The following EYS variants were observed in gnomAD, a reference collection of about 807,000 sequenced individuals.
The protein encoded by EYS is EGF-like photoreceptor maintenance factor.
Under a neutral mutation model 282.1 loss-of-function variants are expected in EYS, and 250 were observed. The ratio of observed to expected loss-of-function variants is 0.89; its 90% CI spans 0.80 to 0.98. The LOEUF (loss-of-function observed/expected upper bound fraction) is 0.98. Ranked by LOEUF, EYS falls within the 50% of genes least tolerant of loss-of-function variation. The pLI, the probability that EYS is intolerant of heterozygous loss-of-function variation, is 0.00. For missense variants in EYS, 4,016 were observed against 3,709.0 expected, an observed-to-expected ratio of 1.08 and a Z score of -2.15; for synonymous variants, 1,355 against 1,282.9, an observed-to-expected ratio of 1.06 and a Z score of -1.20.
At chr6:64,447,755 TAG>T (rs1419787143) in intron 26 of EYS, among the ~76,000 whole-genome samples, 1 of 152,174 alleles carries the variant, frequency 6.6e-6, no homozygotes. Flanking sequence ...TATATGAAAA[TAG>T]ATTATTGCAA....
chr6:65,345,766 A>C (rs1280127736), intron 9 of EYS, among the ~76,000 whole-genome samples: 1 of 151,788 alleles, frequency 6.6e-6, no homozygotes, highest in Non-Finnish European at 1.5e-5. Context: ...TAAAAAAATA[A>C]ATAAAACAAA....
intron 26 of EYS, among the ~76,000 whole-genome samples, chr6:64,577,790 T>C (rs190009884): frequency 1.5e-3 from 227 of 152,254 alleles, no homozygotes; most frequent in African/African-American, 5.4e-3. Context: ...CGCTTTATAA[T>C]AGAGCTGTTG....
intron 13 of EYS, among the ~76,000 whole-genome samples, chr6:65,029,219 G>T (rs1171156382): frequency 1.3e-5 from 2 of 151,986 alleles, no homozygotes; most frequent in Non-Finnish European, 2.9e-5. Flanking sequence ...GTTCCTTTAA[G>T]TAGAGAATGA....
At chr6:65,598,251 A>G (rs1765485199) in intron 2 of EYS, among the ~76,000 whole-genome samples, 1 of 64,926 alleles carries the variant, frequency 1.5e-5, no homozygotes, top group Non-Finnish European at 2.9e-5. Context: ...CCCCCCCCAA[A>G]AAAAAAAACA....
chr6:64,723,411 C>T (rs933227368), intron 22 of EYS, among the ~76,000 whole-genome samples: 9 of 152,122 alleles, frequency 5.9e-5, no homozygotes, highest in African/African-American at 1.2e-4. Flanking sequence ...AAACTAAAAA[C>T]GGCACTGCAG....
intron 35 of EYS, among the ~76,000 whole-genome samples, chr6:63,981,338 T>C (rs1582073981): frequency 6.6e-6 from 1 of 151,964 alleles, no homozygotes; most frequent in East Asian, 1.9e-4. Flanking sequence ...ACTTCTGATA[T>C]ACTACAGGCA....
At chr6:64,890,711 C>T (rs150997160) in intron 18 of EYS, among the ~76,000 whole-genome samples, 106 of 152,090 alleles carry the variant, frequency 7.0e-4, no homozygotes, top group African/African-American at 1.5e-3. Flanking sequence ...ATGTACCTTA[C>T]GCTTCTGATT....
intron 1 of EYS, among the ~76,000 whole-genome samples, chr6:65,705,805 T>G (rs565357888): frequency 2.0e-5 from 3 of 152,240 alleles, no homozygotes; most frequent in Admixed American, 1.3e-4. Flanking sequence ...AAGGGCCATT[T>G]TTAGGCCAAT....
intron 8 of EYS, among the ~76,000 whole-genome samples, chr6:65,370,598 A>AT (rs1378856640): frequency 3.3e-5 from 5 of 151,594 alleles, no homozygotes; most frequent in South Asian, 2.1e-4. Context: ...CATAATGCAA[A>AT]TTTTTTTTAT....
intron 24 of EYS, among the ~76,000 whole-genome samples, chr6:64,594,755 G>T (rs951306470): frequency 6.6e-6 from 1 of 151,274 alleles, no homozygotes; most frequent in Admixed American, 6.6e-5. Context: ...ACGAGTTAAT[G>T]GGTGCAGCAC....
chr6:64,482,537 A>G (rs1432951778), intron 26 of EYS, among the ~76,000 whole-genome samples: 2 of 150,872 alleles, frequency 1.3e-5, no homozygotes, highest in African/African-American at 4.9e-5. Context: ...TAATGGACAT[A>G]GTAGTTTCTA....
intron 12 of EYS, among the ~76,000 whole-genome samples, chr6:65,174,820 T>A (rs1020437008): frequency 2.0e-5 from 3 of 151,398 alleles, no homozygotes; most frequent in African/African-American, 7.2e-5. Context: ...TATTATAATA[T>A]GATAATACAT....
intron 11 of EYS, among the ~76,000 whole-genome samples, chr6:65,316,995 T>C (rs1261945421): frequency 6.6e-6 from 1 of 152,206 alleles, no homozygotes; most frequent in Non-Finnish European, 1.5e-5. Flanking sequence ...GACTATATTC[T>C]GTGTGGATTT....
intron 30 of EYS, among the ~76,000 whole-genome samples, chr6:64,294,601 G>A (rs1768838021): frequency 6.6e-6 from 1 of 152,198 alleles, no homozygotes; most frequent in South Asian, 2.1e-4. Flanking sequence ...GGAGCCACCA[G>A]ACAAATTAGT....
At chr6:65,485,430 T>G (rs1765751311) in intron 5 of EYS, among the ~76,000 whole-genome samples, 1 of 152,210 alleles carries the variant, frequency 6.6e-6, no homozygotes, top group South Asian at 2.1e-4. Context: ...TTATTGCAAG[T>G]TCCTCTGTGC....
intron 5 of EYS, among the ~76,000 whole-genome samples, chr6:65,440,832 A>G (rs1768286320): frequency 6.9e-6 from 1 of 145,824 alleles, no homozygotes. Flanking sequence ...CTTTGTGTAG[A>G]AAAAAAATAT....
At chr6:65,217,158 C>A (rs1048285662) in intron 12 of EYS, among the ~76,000 whole-genome samples, 2 of 151,948 alleles carry the variant, frequency 1.3e-5, no homozygotes, top group Admixed American at 6.6e-5. Context: ...TTATTTTTAA[C>A]AATATGTTGT....
At position 64,347,781 on chromosome 6, in the gene EYS, AC is replaced by A. The variant is rs1411154476; in HGVS notation, c.6079-40700del. 9.3e-5 allele frequency among the ~76,000 whole-genome samples: 14 copies of A among 151,028 alleles called. No individual in the cohort carries two copies. The South Asian group carries it at 2.3e-3, about 25-fold the overall frequency. On this transcript the variant is annotated intron_variant, in intron 29 of 42. Transcript: ENST00000503581. ...GTGTTTATTTGTCTTTTCCTTATCT[AC>A]CCCTTTCCTAATACCTGGAAACTCA... is the stretch of plus-strand genomic sequence containing the variant.
chr6:64,449,662 C>T (rs1259611460), intron 26 of EYS, among the ~76,000 whole-genome samples: 1 of 152,214 alleles, frequency 6.6e-6, no homozygotes, highest in Non-Finnish European at 1.5e-5. Flanking sequence ...GATCTCTCCA[C>T]AGAAACTCTA....
Sources: gnomAD v4.1 joint callset for allele counts (sites outside exome capture counted in the v4.1 genomes callset) on GRCh38, gnomAD v4.1.1 for gene constraint, MANE v1.5 for transcripts, NCBI Gene and HGNC (gene_info 2026-07-23, HGNC 2026-07-21) for gene names.